Variants in SYT13 observed in about 807,000 individuals in gnomAD.
SYT13 encodes the protein synaptotagmin-13.
A neutral mutation model predicts 38.6 loss-of-function variants in SYT13; 21 were observed. That is an observed-to-expected ratio of 0.54 (90% CI 0.39 to 0.78). The LOEUF is 0.78. SYT13 is among the 30% of genes least tolerant of loss of function. The pLI is 0.00. For missense variants in SYT13, 495 were observed against 548.7 expected (o/e 0.90, Z 0.98); for synonymous variants, 241 against 237.6 (o/e 1.01, Z -0.13).
chr11:45,278,565 G>A (rs1182850989), intron 1 of SYT13, among the ~76,000 whole-genome samples: 7 of 152,026 alleles, frequency 4.6e-5, no homozygotes, highest in African/African-American at 1.7e-4. Context: ...TGTGCCCCAG[G>A]TACCTCCTCA....
chr11:45,258,063 A>T (rs528676714), intron 1 of SYT13, among the ~76,000 whole-genome samples: 8 of 152,344 alleles, frequency 5.3e-5, no homozygotes, highest in African/African-American at 1.7e-4. Flanking sequence ...CCTGGCACGC[A>T]TAGGCTCTAA....
At chr11:45,261,761 C>A (rs1414229961) in intron 1 of SYT13, among the ~76,000 whole-genome samples, 2 of 151,704 alleles carry the variant, frequency 1.3e-5, no homozygotes, top group Non-Finnish European at 1.5e-5. Flanking sequence ...ACCAAAAATA[C>A]AAAAATCAGC....
At chr11:45,260,296 G>A (rs1364188182) in intron 1 of SYT13, among the ~76,000 whole-genome samples, 2 of 152,208 alleles carry the variant, frequency 1.3e-5, no homozygotes, top group Admixed American at 1.3e-4. Flanking sequence ...AGCAGCAGCT[G>A]ATTACCTATC....
At chr11:45,254,224 G>T (rs767212536) in intron 3 of SYT13, 46 bp downstream of exon 3, 4 of 1,569,976 alleles carry the variant, frequency 2.5e-6, no homozygotes, top group Non-Finnish European at 3.5e-6. Context: ...CTTCTCCAGG[G>T]GAGATAGACA....
chr11:45,273,599 CTG>C (rs1231394379), intron 1 of SYT13, among the ~76,000 whole-genome samples: 3 of 152,224 alleles, frequency 2.0e-5, no homozygotes, highest in African/African-American at 7.2e-5. Context: ...CTGTGTATAA[CTG>C]TGTGATGAAC....
chr11:45,254,151 G>T, intron 3 of SYT13, 119 bp downstream of exon 3: 1 of 1,167,112 alleles, frequency 8.6e-7, no homozygotes. Flanking sequence ...TCCAGGGTCT[G>T]GTTGTTAGAG....
At position 45,252,056 on chromosome 11, in the gene SYT13, A is replaced by G. The variant is rs1043598838; in HGVS notation, c.846+365T>C. 1.3e-5 allele frequency among the ~76,000 whole-genome samples: 2 copies of G among 152,240 alleles called. No individual in the cohort carries two copies. The highest frequency in any genetic ancestry group is 4.8e-5 in the African/African-American group (2 of 41,458). On this transcript the variant is annotated intron_variant, in intron 4 of 5. Coordinates refer to ENST00000020926, the MANE Select transcript of SYT13 (RefSeq NM_020826.3). The surrounding 1 kb of genome is among the most constrained non-coding windows in gnomAD (Gnocchi z 4.3). Reference sequence around the variant, plus strand: ...CTCACCTACACAAACGGAGGAAGGTAGAGTGTCCTGCAGTGTCTGCCACAT... The same window carrying G: ...CTCACCTACACAAACGGAGGAAGGTGGAGTGTCCTGCAGTGTCTGCCACAT...
rs1854736461 is a variant in SYT13 at position 45,255,717 on chromosome 11, TGTCATTCGGGG to T, written c.347_357del (p.Pro116GlnfsTer50). ...TCTGTGACCTGCCTCTTGAGGCGAC[TGTCATTCGGGG>T]GTTGGGGGCTGGCAGGTGCAGTGGG... On this transcript the variant is annotated frameshift_variant, in exon 2 of 6. Coordinates refer to ENST00000020926, the MANE Select transcript of SYT13 (RefSeq NM_020826.3). LOFTEE classifies it high-confidence loss of function. 1.2e-6 allele frequency: 2 copies of T among 1,614,118 alleles called. No individual in the cohort carries two copies. The highest frequency in any genetic ancestry group is 1.7e-6 in the Non-Finnish European group (2 of 1,180,016).
intron 5 of SYT13, 130 bp downstream of exon 5, chr11:45,246,253 T>G: frequency 6.1e-6 from 8 of 1,321,678 alleles, no homozygotes; most frequent in Non-Finnish European, 8.2e-6. Flanking sequence ...CCGCTGAGCA[T>G]GGCTCCGTAG....
rs535591644 is a variant in SYT13 at position 45,264,179 on chromosome 11, A to G, written c.184-8288T>C. Among the ~76,000 whole-genome samples, 7 of 152,250 alleles carry G rather than the reference A, an allele frequency of 4.6e-5. No homozygotes were observed. In the South Asian group the frequency reaches 6.2e-4, roughly 14 times the overall value. Reference sequence around the variant, plus strand: ...GATCCTCTCTCACAGATGGTTGGGGAAGCTCTGGTCTAGATCAAGCATTCT... The same window carrying G: ...GATCCTCTCTCACAGATGGTTGGGGGAGCTCTGGTCTAGATCAAGCATTCT... On this transcript the variant is annotated intron_variant, in intron 1 of 5. Transcript: ENST00000020926.
intron 1 of SYT13, chr11:45,269,591 A>G: frequency 5.1e-6 from 3 of 585,946 alleles, no homozygotes; most frequent in Non-Finnish European, 7.8e-6. Context: ...TATTCTATAT[A>G]CCCTAATATT....
intron 5 of SYT13, among the ~76,000 whole-genome samples, chr11:45,245,382 T>C (rs1313964166): frequency 6.6e-6 from 1 of 152,222 alleles, no homozygotes; most frequent in Non-Finnish European, 1.5e-5. Context: ...CGAAGTGTTG[T>C]ACTGTAATTG....
chr11:45,244,209 T>A lies in SYT13; in HGVS notation c.1124A>T (p.Glu375Val), dbSNP rs749089005. ...ATCGTCCTGGCCCAGCACTTCCAGC[T>A]CCACACTGGAGGCCTGCAGCAGGTC... Reference protein sequence around the residue: ...PDDLLQASSVELEVLGQDDSG... With the variant: ...PDDLLQASSVVLEVLGQDDSG... Residue 375 changes from glutamate (E) to valine (V), a missense_variant, in exon 6 of 6, where the codon GAG (glutamate) becomes GTG (valine). By Grantham distance (121) the Glu-to-Val change is moderately radical. Transcript: ENST00000020926. 9.9e-6 allele frequency: 16 copies of A among 1,613,892 alleles called. No individual in the cohort carries two copies. In the African/African-American group the frequency reaches 2.1e-4, roughly 22 times the overall value.
intron 1 of SYT13, among the ~76,000 whole-genome samples, chr11:45,256,931 C>T (rs1245267306): frequency 6.6e-6 from 1 of 152,206 alleles, no homozygotes; most frequent in Non-Finnish European, 1.5e-5. Context: ...CACTGGGCAT[C>T]AAGTTGCTGT....
chr11:45,268,493 G>A (rs1481979015), intron 1 of SYT13, among the ~76,000 whole-genome samples: 1 of 152,192 alleles, frequency 6.6e-6, no homozygotes, highest in Non-Finnish European at 1.5e-5. Flanking sequence ...CCCATCATAT[G>A]CAGCTTTACC....
chr11:45,250,680 T>A (rs565297681), intron 4 of SYT13, among the ~76,000 whole-genome samples: 39 of 152,274 alleles, frequency 2.6e-4, no homozygotes, highest in African/African-American at 8.4e-4. Flanking sequence ...AACAGCTGAG[T>A]TCCATCTGAG....
chr11:45,255,988 T>C, intron 1 of SYT13, 97 bp from the exon 2 acceptor site: 3 of 1,271,048 alleles, frequency 2.4e-6, no homozygotes, highest in Non-Finnish European at 2.2e-6. Flanking sequence ...TGTTGTAGGA[T>C]GCAGAGGGAG....
intron 1 of SYT13, among the ~76,000 whole-genome samples, chr11:45,279,580 G>C (rs2902433): frequency 0.4 from 60,271 of 151,986 alleles, 13,055 homozygotes; most frequent in African/African-American, 0.58. Context: ...AAGTGAGACT[G>C]TGTCTCAAAA....
intron 1 of SYT13, among the ~76,000 whole-genome samples, chr11:45,264,181 G>A (rs1426088369): frequency 6.6e-6 from 1 of 152,286 alleles, no homozygotes; most frequent in Non-Finnish European, 1.5e-5. Flanking sequence ...GGTTGGGGAA[G>A]CTCTGGTCTA....
Sources: gnomAD v4.1 joint callset for allele counts (sites outside exome capture counted in the v4.1 genomes callset) on GRCh38, gnomAD v4.1.1 for gene constraint, Gnocchi (gnomAD v3.1) non-coding constraint, MANE v1.5 for transcripts, NCBI Gene and HGNC (gene_info 2026-07-23, HGNC 2026-07-21) for gene names.